Variants in SLC36A2 observed in about 807,000 individuals in gnomAD.
The protein encoded by SLC36A2 is solute carrier family 36 member 2, also known as proton-coupled amino acid transporter 2.
In SLC36A2, 39 loss-of-function variants were observed where a neutral mutation model predicts 42.7. That is an observed-to-expected ratio of 0.91 (90% CI 0.71 to 1.19). The LOEUF is 1.19. SLC36A2 is among the 50% of genes most tolerant of loss of function. The pLI is 0.00. For missense variants in SLC36A2, 590 were observed against 613.7 expected (o/e 0.96, Z 0.41); for synonymous variants, 237 against 240.8 (o/e 0.98, Z 0.15).
chr5:151,322,761 G>A (rs984866839), intron 8 of SLC36A2, among the ~76,000 whole-genome samples: 1 of 152,198 alleles, frequency 6.6e-6, no homozygotes, highest in African/African-American at 2.4e-5. Flanking sequence ...TGGAAGTTAG[G>A]GGGAGTCAGG....
chr5:151,331,082 A>G lies in SLC36A2; in HGVS notation c.843+2142T>C, dbSNP rs143965900. Among the ~76,000 whole-genome samples, 453 of 152,300 alleles carry G rather than the reference A, an allele frequency of 3.0e-3. 1 individual carries two copies. The highest frequency in any genetic ancestry group is 0.01 in the African/African-American group (435 of 41,564). On this transcript the variant is annotated intron_variant, in intron 7 of 9. Transcript: ENST00000335244. ...TTTGACAAGAGTGTCAAAACTATACAATATGGAAAGAATAGCCTTTTCAAC... is the reference window on the plus strand; with the variant it reads ...TTTGACAAGAGTGTCAAAACTATACGATATGGAAAGAATAGCCTTTTCAAC...
chr5:151,331,230 A>C (rs540170609), intron 7 of SLC36A2, among the ~76,000 whole-genome samples: 1 of 152,328 alleles, frequency 6.6e-6, no homozygotes, highest in Non-Finnish European at 1.5e-5. Flanking sequence ...CTAAAACCAT[A>C]AAACTCTTAG....
chr5:151,317,221 A>G (rs1256795701), intron 9 of SLC36A2, 133 bp from the exon 10 acceptor site: 18 of 1,149,492 alleles, frequency 1.6e-5, no homozygotes, highest in Middle Eastern at 5.6e-4. Context: ...GGAGGCCTAG[A>G]TGGGTGGATC....
intron 4 of SLC36A2, among the ~76,000 whole-genome samples, chr5:151,340,624 A>G (rs1486620030): frequency 6.6e-6 from 1 of 152,230 alleles, no homozygotes; most frequent in Non-Finnish European, 1.5e-5. Context: ...GAGGTTTAAT[A>G]GTAGCCAAGT....
rs1755949922 is a variant in SLC36A2, at chr5:151,329,875, C to T, written c.843+3349G>A. On this transcript the variant is annotated intron_variant, in intron 7 of 9. Transcript: ENST00000335244. Reference sequence around the variant, plus strand: ...CCCTCAAATAGGTGGATATTTTCAACCAAATGCACATCAAAACTGCAGTAT... The same window carrying T: ...CCCTCAAATAGGTGGATATTTTCAATCAAATGCACATCAAAACTGCAGTAT... Among the ~76,000 whole-genome samples the T allele has an allele frequency of 2.0e-5, 3 of 152,224 alleles. No individual in the cohort carries two copies. The South Asian group carries it at 6.2e-4, about 32-fold the overall frequency.
At position 151,316,689 on chromosome 5, in the gene SLC36A2, G is replaced by T; in HGVS notation, c.*128C>A. 1 of 1,183,956 alleles carries T rather than the reference G, an allele frequency of 8.4e-7. No individual in the cohort carries two copies. The highest frequency in any genetic ancestry group is 1.2e-6 in the Non-Finnish European group (1 of 868,274). The allele number at this position is 1,183,956 out of a possible 1,614,324, so 73.3% of individuals were successfully genotyped here. A position where few individuals can be genotyped will look rare whatever the true frequency, so the allele number is the denominator to read the frequency against. On this transcript the variant is annotated 3_prime_UTR_variant, in exon 10 of 10. Transcript: ENST00000335244. ...CAGGAGGCCGAAGTTGTGGTGAGCT[G>T]AGATCGCATCATTGTACTCCAGTCT...
chr5:151,345,273 A>G (rs1440523312), intron 1 of SLC36A2, among the ~76,000 whole-genome samples: 1 of 152,194 alleles, frequency 6.6e-6, no homozygotes, highest in African/African-American at 2.4e-5. Flanking sequence ...TATTCTTTGT[A>G]AAACAACAGA....
chr5:151,329,826 C>A (rs1426504816), intron 7 of SLC36A2, among the ~76,000 whole-genome samples: 1 of 152,114 alleles, frequency 6.6e-6, no homozygotes, highest in Non-Finnish European at 1.5e-5. Context: ...GACTCTTGAA[C>A]AACATGGGTT....
rs1277792626 is a variant in SLC36A2 at position 151,315,329 on chromosome 5, T to G, written c.*1488A>C. On this transcript the variant is annotated 3_prime_UTR_variant, in exon 10 of 10. Coordinates refer to ENST00000335244, the MANE Select transcript of SLC36A2 (RefSeq NM_181776.3). ...GCCAAAGCAAGTTACAAGGCCAAGA[T>G]CAAATTTAAAGGGGAGAGGCTGGGC... 6.6e-6 allele frequency: 1 copy of G among 152,520 alleles called. No individual in the cohort carries two copies. Among genetic ancestry groups the G allele is most frequent in the Non-Finnish European group, 1.5e-5 (1 of 68,078 alleles). 9.4% of individuals were successfully genotyped at this position (152,520 alleles called of 1,614,324 possible).
chr5:151,340,140 AGAGGAG>A (rs200581527), intron 4 of SLC36A2, among the ~76,000 whole-genome samples: 5 of 115,920 alleles, frequency 4.3e-5, no homozygotes, highest in African/African-American at 7.1e-5. Flanking sequence ...AGGAGGAAGA[AGAGGAG>A]GAGAAGGAGG....
chr5:151,339,040 T>C lies in SLC36A2; in HGVS notation c.525+20A>G, dbSNP rs1285885943. ...TCCTTGTCCATCTTTTCCCCTCCCG[T>C]TTTCTCTAGAAGCCTCTACCTGTTT... On this transcript the variant is annotated intron_variant, in intron 5 of 9. Coordinates refer to ENST00000335244, the MANE Select transcript of SLC36A2 (RefSeq NM_181776.3). 3.8e-6 allele frequency: 6 copies of C among 1,586,814 alleles called. No homozygotes were observed. The highest frequency in any genetic ancestry group is 5.2e-6 in the Non-Finnish European group (6 of 1,157,706).
Position 151,316,640 on chromosome 5 carries a change from T to C in SLC36A2, c.*177A>G. The stretch of plus-strand genomic sequence containing the variant: ...CTCTAATCCCAACTACTCGGGAGGC[T>C]GAGGCAGGAGAATCGCTTGAACCCA... On this transcript the variant is annotated 3_prime_UTR_variant, in exon 10 of 10. Transcript: ENST00000335244. The C allele has an allele frequency of 1.4e-6, 1 of 731,654 alleles. No homozygotes were observed. The highest frequency in any genetic ancestry group is 2.1e-6 in the Non-Finnish European group (1 of 471,156). 45.3% of individuals were successfully genotyped at this position (731,654 alleles called of 1,614,324 possible).
intron 7 of SLC36A2, among the ~76,000 whole-genome samples, chr5:151,332,072 A>G (rs1276678311): frequency 1.3e-5 from 2 of 152,066 alleles, no homozygotes; most frequent in Non-Finnish European, 1.5e-5. Flanking sequence ...TCACTATGTT[A>G]GCCAGACTGG....
chr5:151,321,841 T>G (rs11749870), intron 9 of SLC36A2: 1 of 553,746 alleles, frequency 1.8e-6, no homozygotes, highest in African/African-American at 1.9e-5. Context: ...CCACGCCTGG[T>G]TAATTGTTGT....
chr5:151,325,243 A>G, intron 8 of SLC36A2, 43 bp downstream of exon 8: 1 of 1,603,118 alleles, frequency 6.2e-7, no homozygotes, highest in Non-Finnish European at 8.5e-7. Flanking sequence ...ATACGTTTCC[A>G]CCCATTCCTG....
chr5:151,334,784 A>G (rs1259680906), intron 6 of SLC36A2, among the ~76,000 whole-genome samples: 2 of 152,226 alleles, frequency 1.3e-5, no homozygotes, highest in African/African-American at 4.8e-5. Context: ...ATAATTCAAC[A>G]TCAAAGACAT....
At chr5:151,324,812 A>AT (rs1056083511) in intron 8 of SLC36A2, among the ~76,000 whole-genome samples, 2 of 151,966 alleles carry the variant, frequency 1.3e-5, no homozygotes, top group Non-Finnish European at 2.9e-5. Flanking sequence ...AGCTATGGAA[A>AT]TTTTTTTTGT....
intron 7 of SLC36A2, among the ~76,000 whole-genome samples, chr5:151,331,643 C>T (rs1477030779): frequency 6.6e-6 from 1 of 151,982 alleles, no homozygotes; most frequent in Non-Finnish European, 1.5e-5. Context: ...GCAATAGATT[C>T]TTAGACATAA....
rs981984427 is a variant in SLC36A2 at position 151,315,333 on chromosome 5, A to G, written c.*1484T>C. On this transcript the variant is annotated 3_prime_UTR_variant, in exon 10 of 10. Transcript: ENST00000335244. Reference sequence around the variant, plus strand: ...AAGCAAGTTACAAGGCCAAGATCAAATTTAAAGGGGAGAGGCTGGGCGTGG... The same window carrying G: ...AAGCAAGTTACAAGGCCAAGATCAAGTTTAAAGGGGAGAGGCTGGGCGTGG... The G allele has an allele frequency of 6.6e-6, 1 of 152,578 alleles. No individual in the cohort carries two copies. The highest frequency in any genetic ancestry group is 1.5e-5 in the Non-Finnish European group (1 of 68,094). The allele number at this position is 152,578 out of a possible 1,614,324, so 9.5% of individuals were successfully genotyped here. A position where few individuals can be genotyped will look rare whatever the true frequency, so the allele number is the denominator to read the frequency against.
Sources: gnomAD v4.1 joint callset for allele counts (sites outside exome capture counted in the v4.1 genomes callset) on GRCh38, gnomAD v4.1.1 for gene constraint, MANE v1.5 for transcripts, NCBI Gene and HGNC (gene_info 2026-07-23, HGNC 2026-07-21) for gene names.